IL1RAPL2: variants seen among roughly 807,000 people sequenced by gnomAD.
The protein encoded by IL1RAPL2 is interleukin 1 receptor accessory protein like 2.
A neutral mutation model predicts 44.1 loss-of-function variants in IL1RAPL2; 3 were observed. That is an observed-to-expected ratio of 0.07 (90% CI 0.03 to 0.18). The LOEUF (loss-of-function observed/expected upper bound fraction) is 0.18, where lower values mean the gene tolerates loss of function less well. Among genes scored for constraint, IL1RAPL2 ranks in the 10% least tolerant of loss-of-function variants. The pLI is 1.00. For synonymous variants in IL1RAPL2, 181 were observed against 178.8 expected, an observed-to-expected ratio of 1.01 and a Z score of -0.10; for missense variants, 391 against 496.4, an observed-to-expected ratio of 0.79 and a Z score of 2.02.
At chrX:105,404,796 A>G (rs751051517) in intron 5 of IL1RAPL2, among the ~76,000 whole-genome samples, 1 of 112,245 alleles carries the variant, frequency 8.9e-6, no homozygotes, top group African/African-American at 3.2e-5. Context: ...TATACATTCA[A>G]TCTAAAATTC....
chrX:104,990,818 T>C (rs1228865398), intron 2 of IL1RAPL2, among the ~76,000 whole-genome samples: 5 of 111,781 alleles, frequency 4.5e-5, no homozygotes, highest in Non-Finnish European at 3.8e-5. Flanking sequence ...GCTGTTTTAT[T>C]CCAGATGGAA....
At chrX:105,688,982 C>G (rs886339448) in intron 6 of IL1RAPL2, among the ~76,000 whole-genome samples, 4 of 111,770 alleles carry the variant, frequency 3.6e-5, no homozygotes, top group African/African-American at 1.3e-4. Context: ...AAATGATTCC[C>G]TGTGTAATAA....
At chrX:104,897,759 C>T (rs193267823) in intron 2 of IL1RAPL2, among the ~76,000 whole-genome samples, 88 of 111,964 alleles carry the variant, frequency 7.9e-4, no homozygotes, top group African/African-American at 2.7e-3. Flanking sequence ...CATTATAGTG[C>T]CTGTGACCTT....
intron 2 of IL1RAPL2, among the ~76,000 whole-genome samples, chrX:105,048,698 C>T (rs1255180181): frequency 1.8e-5 from 2 of 111,745 alleles, no homozygotes; most frequent in Non-Finnish European, 3.8e-5. Context: ...ATTTTTGCAT[C>T]ACTACCTATG....
At chrX:104,582,596 TTTTCTTTCTTTC>T (rs201257788) in intron 1 of IL1RAPL2, among the ~76,000 whole-genome samples, 24 of 52,191 alleles carry the variant, frequency 4.6e-4, no homozygotes, top group African/African-American at 8.2e-4. Flanking sequence ...CTTTCTTTCT[TTTTCTTTCTTTC>T]TTTCTTTCTT....
chrX:105,268,866 A>G (rs2034425395), intron 5 of IL1RAPL2, among the ~76,000 whole-genome samples: 1 of 111,121 alleles, frequency 9.0e-6, no homozygotes, highest in South Asian at 3.8e-4. Context: ...GGAGATTGAT[A>G]TGCTAATTTG....
At chrX:104,948,371 A>G (rs1432774982) in intron 2 of IL1RAPL2, among the ~76,000 whole-genome samples, 1 of 106,998 alleles carries the variant, frequency 9.3e-6, no homozygotes, top group African/African-American at 3.4e-5. Flanking sequence ...AAACAGGGAC[A>G]ATTTGACTTC....
intron 2 of IL1RAPL2, among the ~76,000 whole-genome samples, chrX:104,661,093 T>C (rs2068818902): frequency 8.9e-6 from 1 of 111,832 alleles, no homozygotes; most frequent in Non-Finnish European, 1.9e-5. Flanking sequence ...TAGGGTTTCT[T>C]AGCTTTGTTT....
chrX:104,917,885 C>G (rs1411968132), intron 2 of IL1RAPL2, among the ~76,000 whole-genome samples: 1 of 111,699 alleles, frequency 9.0e-6, no homozygotes, highest in Non-Finnish European at 1.9e-5. Flanking sequence ...CCAGAAGAGA[C>G]AGAAAAGACA....
At chrX:104,727,589 A>G (rs899883973) in intron 2 of IL1RAPL2, among the ~76,000 whole-genome samples, 14 of 111,165 alleles carry the variant, frequency 1.3e-4, no homozygotes, top group Non-Finnish European at 2.1e-4. Flanking sequence ...CTAGGTATCT[A>G]CCCAAAGGAA....
chrX:105,607,725 G>C (rs1350740436), intron 6 of IL1RAPL2, among the ~76,000 whole-genome samples: 1 of 102,084 alleles, frequency 9.8e-6, no homozygotes, highest in Non-Finnish European at 2.0e-5. Flanking sequence ...GAAATCAATT[G>C]TATGGCATAT....
At chrX:105,003,526 C>T (rs73516206) in intron 2 of IL1RAPL2, among the ~76,000 whole-genome samples, 7,799 of 110,493 alleles carry the variant, frequency 0.071, 695 homozygotes, top group African/African-American at 0.24. Flanking sequence ...CTCCCGAAAC[C>T]GAGGGTTATA....
chrX:105,463,599 C>T (rs982732707), intron 5 of IL1RAPL2, among the ~76,000 whole-genome samples: 3 of 105,524 alleles, frequency 2.8e-5, no homozygotes, highest in African/African-American at 1.2e-4. Context: ...CACACACACA[C>T]ACATGCACGC....
intron 4 of IL1RAPL2, among the ~76,000 whole-genome samples, chrX:105,249,327 AT>A (rs2034249874): frequency 9.0e-6 from 1 of 110,955 alleles, no homozygotes; most frequent in Non-Finnish European, 1.9e-5. Flanking sequence ...TAGCAGAAGG[AT>A]TGTTACCAGA....
rs377453704 is a variant in IL1RAPL2, at chrX:105,195,617, G to A, written c.225G>A (p.Met75Ile). 7 of 1,211,981 alleles carry A rather than the reference G, an allele frequency of 5.8e-6. No homozygotes were observed. Among genetic ancestry groups the A allele is most frequent in the Non-Finnish European group, 1.1e-6 (1 of 895,543 alleles). ...STAQSTGLRL[M>I]WYKNKGDLEE... ...CCCAGAGCACTGGGCTCAGGCTTAT[G>A]TGGTACAAAAACAAAGGTGATTTGG... The change falls in exon 3 of 11, where the codon ATG becomes ATA. Residue 75 changes from methionine to isoleucine, a missense_variant. This residue lies in a region of IL1RAPL2 where 159 missense variants were observed against 251.7 expected (regional missense o/e 0.63). Transcript: ENST00000372582.
intron 3 of IL1RAPL2, among the ~76,000 whole-genome samples, chrX:105,216,105 G>T (rs994671250): frequency 9.0e-6 from 1 of 111,116 alleles, no homozygotes; most frequent in East Asian, 2.8e-4. Context: ...GGAAGTTCTG[G>T]CCAGGGCAAT....
intron 2 of IL1RAPL2, among the ~76,000 whole-genome samples, chrX:104,740,983 T>C (rs1932092863): frequency 9.0e-6 from 1 of 111,497 alleles, no homozygotes. Context: ...ATCACTTCTA[T>C]TGTTTTGATA....
At chrX:105,757,785 C>T (rs1014288986) in intron 10 of IL1RAPL2, among the ~76,000 whole-genome samples, 1 of 111,629 alleles carries the variant, frequency 9.0e-6, no homozygotes, top group African/African-American at 3.3e-5. Flanking sequence ...GCGAGTGTAA[C>T]CTGCAGAGGC....
intron 6 of IL1RAPL2, among the ~76,000 whole-genome samples, chrX:105,569,493 G>A (rs2036998999): frequency 9.0e-6 from 1 of 111,490 alleles, no homozygotes; most frequent in East Asian, 2.8e-4. Context: ...GTGAACAGAA[G>A]TGACTCCTGT....
Sources: gnomAD v4.1 joint callset for allele counts (sites outside exome capture counted in the v4.1 genomes callset) on GRCh38, gnomAD v4.1.1 for gene constraint, gnomAD v4.1.1 regional missense constraint, MANE v1.5 for transcripts, NCBI Gene and HGNC (gene_info 2026-07-23, HGNC 2026-07-21) for gene names.